Variants in TPM1 observed in about 807,000 individuals in gnomAD.
TPM1 encodes tropomyosin 1.
A neutral mutation model predicts 42.9 loss-of-function variants in TPM1; 24 were observed. The ratio of observed to expected loss-of-function variants is 0.56; its 90% CI spans 0.41 to 0.79. The LOEUF is 0.79. TPM1 is among the 30% of genes least tolerant of loss of function. The pLI, the probability that TPM1 is intolerant of heterozygous loss-of-function variation, is 0.00. For synonymous variants in TPM1, 136 were observed against 130.1 expected (o/e 1.05, Z -0.31); for missense variants, 158 against 351.8 (o/e 0.45, Z 4.41).
At chr15:63,048,933 A>C (rs1278144890) in intron 2 of TPM1, 4 of 635,670 alleles carry the variant, frequency 6.3e-6, no homozygotes, top group Non-Finnish European at 1.1e-5. Flanking sequence ...AAACGCTCCC[A>C]GGGGAAACGG....
downstream of TPM1, chr15:63,070,975 A>G (rs184865621): frequency 1.1e-4 from 178 of 1,565,012 alleles, no homozygotes; most frequent in African/African-American, 2.1e-3. Context: ...AAGCATGCCT[A>G]GTTCTAATCA....
chr15:63,048,779 T>G (rs1346987457), intron 2 of TPM1: 1 of 1,503,650 alleles, frequency 6.7e-7, no homozygotes, highest in East Asian at 2.6e-5. Flanking sequence ...AGGGCCCTCC[T>G]GCTTCCCCCC....
chr15:63,069,844 G>A, downstream of TPM1: 1 of 1,613,764 alleles, frequency 6.2e-7, no homozygotes, highest in Non-Finnish European at 8.5e-7. Context: ...CCTCTTTTCT[G>A]CTAACCTGCT....
intron 2 of TPM1, chr15:63,048,233 G>A (rs1477127258): frequency 1.0e-5 from 5 of 476,224 alleles, no homozygotes; most frequent in Admixed American, 7.1e-5. Context: ...GAGCCCTAGT[G>A]CAGTGGCCTC....
rs1400224541 is a variant in TPM1, at chr15:63,051,546, T to TC, written c.241-5439_241-5438insC. ...CTTAATGTCATCAGTGTTTTTTTTT[T>TC]TCCCCCCTTTCCTTACCATATAAGG... On this transcript the variant is annotated intron_variant, in intron 2 of 9. Coordinates refer to ENST00000403994, the MANE Select transcript of TPM1 (RefSeq NM_001018005.2). Among the ~76,000 whole-genome samples the TC allele has an allele frequency of 4.6e-5, 7 of 152,200 alleles. No homozygotes were observed. The East Asian group carries it at 5.8e-4, about 13-fold the overall frequency.
chr15:63,061,629 C>T, intron 5 of TPM1, 84 bp from the exon 6 acceptor site: 1 of 1,328,298 alleles, frequency 7.5e-7, no homozygotes, highest in Non-Finnish European at 1.1e-6. Context: ...ACTCAGTTTT[C>T]ATTTTTTCCC....
chr15:63,070,774 T>G (rs113189897), downstream of TPM1: 16 of 1,188,570 alleles, frequency 1.3e-5, no homozygotes, highest in African/African-American at 1.9e-4. Flanking sequence ...GTATTTGGTT[T>G]TTACCTCTCC....
At chr15:63,048,358 C>T (rs1424657328) in intron 2 of TPM1, 22 of 1,273,778 alleles carry the variant, frequency 1.7e-5, no homozygotes, top group Non-Finnish European at 2.2e-5. Flanking sequence ...GCGCGCGCCC[C>T]TCCCAGCCGC....
At position 63,062,130 on chromosome 15, in the gene TPM1, G is replaced by A. The variant is rs1390356150; in HGVS notation, c.640-85G>A. The stretch of plus-strand genomic sequence containing the variant: ...TCCTAAGAGATCCTTAACATCTGTT[G>A]GCTGAGCTGGCGAGTTCTTTGCATG... On this transcript the variant is annotated intron_variant, in intron 6 of 9. Coordinates refer to ENST00000403994, the MANE Select transcript of TPM1 (RefSeq NM_001018005.2). The A allele has an allele frequency of 3.5e-5, 42 of 1,206,502 alleles. No individual in the cohort carries two copies. In the East Asian group the frequency reaches 7.5e-4, roughly 22 times the overall value. 74.7% of individuals were successfully genotyped at this position (1,206,502 alleles called of 1,614,324 possible).
At chr15:63,048,776 T>C (rs1381129578) in intron 2 of TPM1, 3 of 1,505,348 alleles carry the variant, frequency 2.0e-6, no homozygotes, top group South Asian at 1.2e-5. Flanking sequence ...CGCAGGGCCC[T>C]CCTGCTTCCC....
chr15:63,061,490 C>T, intron 5 of TPM1: 1 of 720,566 alleles, frequency 1.4e-6, no homozygotes, highest in Non-Finnish European at 2.4e-6. Context: ...AATTATCGCA[C>T]TTCAAAGTTG....
rs192883939 is a variant in TPM1 at position 63,057,032 on chromosome 15, G to A, written c.288G>A (p.Glu96=). ...ASLNRRIQLV[E]EELDRAQERL... ...TGAACAGACGCATCCAGCTGGTTGAGGAAGAGTTGGATCGTGCCCAGGAGC... is the reference window on the plus strand; with the variant it reads ...TGAACAGACGCATCCAGCTGGTTGAAGAAGAGTTGGATCGTGCCCAGGAGC... The change falls in exon 3 of 10, where the codon GAG becomes GAA. Residue 96 remains glutamate, a synonymous_variant. Coordinates refer to ENST00000403994, the MANE Select transcript of TPM1 (RefSeq NM_001018005.2). 1.9e-6 allele frequency: 3 copies of A among 1,614,224 alleles called. No individual in the cohort carries two copies. In the African/African-American group the frequency reaches 4.0e-5, roughly 22 times the overall value.
At chr15:63,063,623 C>T (rs1231366190) in intron 8 of TPM1, among the ~76,000 whole-genome samples, 1 of 152,158 alleles carries the variant, frequency 6.6e-6, no homozygotes. Flanking sequence ...AATTGTTCTT[C>T]CAAAACACTG....
At chr15:63,048,018 A>C (rs901330022) in intron 2 of TPM1, 1 of 312,190 alleles carries the variant, frequency 3.2e-6, no homozygotes, top group Non-Finnish European at 6.2e-6. Flanking sequence ...TGCTTGGGTT[A>C]TAATCTTGCG....
chr15:63,044,177 C>T (rs1473669031), intron 2 of TPM1, 25 bp downstream of exon 2: 3 of 1,614,158 alleles, frequency 1.9e-6, no homozygotes, highest in Admixed American at 3.3e-5. Context: ...ACACTGCTTC[C>T]CTCACCTCTT....
At chr15:63,054,071 C>G (rs1815610714) in intron 2 of TPM1, among the ~76,000 whole-genome samples, 1 of 151,614 alleles carries the variant, frequency 6.6e-6, no homozygotes, top group East Asian at 1.9e-4. Flanking sequence ...AGGGATCCTT[C>G]TAGCTAAAAA....
intron 2 of TPM1, chr15:63,046,654 C>T (rs1227625228): frequency 6.6e-6 from 1 of 152,554 alleles, no homozygotes; most frequent in African/African-American, 2.4e-5. Context: ...ATCGAAGACT[C>T]CATTTTTTTC....
chr15:63,067,162 G>T (rs1219032239), downstream of TPM1, among the ~76,000 whole-genome samples: 3 of 151,858 alleles, frequency 2.0e-5, no homozygotes, highest in Admixed American at 6.6e-5. Context: ...TAGCCCGAGA[G>T]GGCTGATATA....
Position 63,065,923 on chromosome 15 carries a change from A to G in TPM1, c.*24A>G. ...AAGTTTCTTTGCTTCACTTCTCCCA[A>G]GACTCCCTCGTCGAGCTGGATGTCC... On this transcript the variant is annotated 3_prime_UTR_variant, in exon 10 of 10. Coordinates refer to ENST00000403994, the MANE Select transcript of TPM1 (RefSeq NM_001018005.2). 3 of 1,609,134 alleles carry G rather than the reference A, an allele frequency of 1.9e-6. No homozygotes were observed. Among genetic ancestry groups the G allele is most frequent in the Non-Finnish European group, 2.5e-6 (3 of 1,178,574 alleles).
Sources: allele counts gnomAD v4.1 joint callset (sites outside exome capture counted in the v4.1 genomes callset), GRCh38; gene constraint gnomAD v4.1.1; transcripts MANE v1.5; gene names NCBI Gene and HGNC (gene_info 2026-07-23, HGNC 2026-07-21).